The following NRG1 variants were observed in gnomAD, a reference collection of about 807,000 sequenced individuals.
The protein encoded by NRG1 is neuregulin 1.
NRG1 carries 18 observed loss-of-function variants against 63.8 expected under a neutral mutation model. The ratio of observed to expected loss-of-function variants is 0.28; its 90% CI spans 0.19 to 0.42. The LOEUF (loss-of-function observed/expected upper bound fraction) is 0.42, where lower values mean the gene tolerates loss of function less well. Ranked by LOEUF, NRG1 falls within the 10% of genes least tolerant of loss-of-function variation. The pLI is 1.00. For missense variants in NRG1, 762 were observed against 814.7 expected (o/e 0.94, Z 0.79); for synonymous variants, 302 against 301.3 (o/e 1.00, Z -0.02).
chr8:32,115,675 C>T (rs1009512109), intron 1 of NRG1, among the ~76,000 whole-genome samples: 2 of 152,026 alleles, frequency 1.3e-5, no homozygotes, highest in Non-Finnish European at 2.9e-5. Flanking sequence ...TTTATGTTGT[C>T]CGGGATGCTA....
chr8:32,471,953 G>A (rs1308650385), intron 1 of NRG1, among the ~76,000 whole-genome samples: 1 of 152,180 alleles, frequency 6.6e-6, no homozygotes, highest in African/African-American at 2.4e-5. Context: ...AGAGAAGTGT[G>A]GACCATCTGC....
chr8:32,733,688 T>C (rs1824315433), intron 6 of NRG1, among the ~76,000 whole-genome samples: 2 of 152,070 alleles, frequency 1.3e-5, no homozygotes, highest in Admixed American at 6.6e-5. Flanking sequence ...ATATAAGGAA[T>C]GGTGTCTGAT....
At chr8:32,342,994 G>C (rs1804267859) in intron 1 of NRG1, among the ~76,000 whole-genome samples, 1 of 152,190 alleles carries the variant, frequency 6.6e-6, no homozygotes. Context: ...TCTTCCAGAA[G>C]TGTTTTCAGA....
intron 5 of NRG1, among the ~76,000 whole-genome samples, chr8:32,692,207 G>A (rs1224199386): frequency 6.6e-6 from 1 of 152,168 alleles, no homozygotes; most frequent in African/African-American, 2.4e-5. Flanking sequence ...TTCACCATGA[G>A]AATTTAGCAC....
chr8:31,655,818 A>G (rs1187348034), intron 1 of NRG1, among the ~76,000 whole-genome samples: 1 of 152,124 alleles, frequency 6.6e-6, no homozygotes, highest in East Asian at 1.9e-4. Flanking sequence ...AAGATTTGAG[A>G]TGATTTTTGG....
chr8:31,810,957 T>C lies in NRG1; in HGVS notation c.37+171526T>C, dbSNP rs994115227. 7.9e-5 allele frequency among the ~76,000 whole-genome samples: 12 copies of C among 152,244 alleles called. 1 individual carries two copies. Among genetic ancestry groups the C allele is most frequent in the Non-Finnish European group, 1.3e-4 (9 of 68,044 alleles). On this transcript the variant is annotated intron_variant, in intron 1 of 10. Transcript: ENST00000519301. ...GGAGTCAGATAATTCTTTTCTTTAT[T>C]TCTCCTCTGTTTTCTTTGTAGAGAT...
rs36040084 is a variant in NRG1, at chr8:31,742,455, A to ATTTT, written c.37+103047_37+103050dup. Among the ~76,000 whole-genome samples, 150 of 80,018 alleles carry ATTTT rather than the reference A, an allele frequency of 1.9e-3. 8 individuals carry two copies. The highest frequency in any genetic ancestry group is 3.2e-3 in the Admixed American group (17 of 5,312). The allele number at this position is 80,018 out of a possible 152,430, so 52.5% of individuals were successfully genotyped here. A position where few individuals can be genotyped will look rare whatever the true frequency, so the allele number is the denominator to read the frequency against. Reference sequence around the variant, plus strand: ...GCAACGACAGACAACTTTTTTAAGAATTTTTTTTTTTTTTTTTTTTTTTTT... The same window carrying ATTTT: ...GCAACGACAGACAACTTTTTTAAGAATTTTTTTTTTTTTTTTTTTTTTTTTTTTT... On this transcript the variant is annotated intron_variant, in intron 1 of 10. Coordinates refer to the NRG1 transcript ENST00000519301.
chr8:31,961,491 A>G (rs1805444361), intron 1 of NRG1, among the ~76,000 whole-genome samples: 1 of 152,178 alleles, frequency 6.6e-6, no homozygotes, highest in African/African-American at 2.4e-5. Flanking sequence ...ATTCTACCTG[A>G]AATACTTGTT....
intron 1 of NRG1, among the ~76,000 whole-genome samples, chr8:32,389,515 G>C (rs1811441238): frequency 6.6e-6 from 1 of 152,166 alleles, no homozygotes. Context: ...TCCGCTGAAA[G>C]ATGAGTCATC....
At chr8:32,240,377 A>C (rs1486420546) in intron 1 of NRG1, among the ~76,000 whole-genome samples, 2 of 152,152 alleles carry the variant, frequency 1.3e-5, no homozygotes, top group East Asian at 3.8e-4. Context: ...TGGAGAACAG[A>C]TTAGTAGTTT....
At chr8:31,931,410 CCTA>C (rs1317261974) in intron 1 of NRG1, among the ~76,000 whole-genome samples, 1 of 152,158 alleles carries the variant, frequency 6.6e-6, no homozygotes, top group Non-Finnish European at 1.5e-5. Context: ...AGCCCCATCA[CCTA>C]CTAACTGTGT....
intron 1 of NRG1, among the ~76,000 whole-genome samples, chr8:32,207,475 C>G (rs1435705654): frequency 3.3e-5 from 5 of 152,114 alleles, no homozygotes; most frequent in Non-Finnish European, 7.3e-5. Context: ...TAAAGGATGA[C>G]TTCCATTTTA....
At chr8:31,918,654 TA>T (rs200867828) in intron 1 of NRG1, among the ~76,000 whole-genome samples, 1,811 of 152,302 alleles carry the variant, frequency 0.012, 41 homozygotes, top group African/African-American at 0.042. Context: ...GATATTGGTC[TA>T]AAATTCTCTT....
intron 1 of NRG1, among the ~76,000 whole-genome samples, chr8:32,053,899 T>A (rs924768319): frequency 6.6e-5 from 10 of 152,224 alleles, no homozygotes; most frequent in African/African-American, 1.7e-4. Context: ...ATTCAGCAGT[T>A]CTTTCTCATT....
chr8:31,657,441 C>T (rs1483889456), intron 1 of NRG1, among the ~76,000 whole-genome samples: 2 of 152,136 alleles, frequency 1.3e-5, no homozygotes, highest in African/African-American at 4.8e-5. Context: ...CTTGGACAGA[C>T]CAATGGTTTG....
chr8:32,660,810 C>T lies in NRG1; in HGVS notation c.502+43925C>T, dbSNP rs535976616. 1.8e-4 allele frequency among the ~76,000 whole-genome samples: 28 copies of T among 152,278 alleles called. No individual in the cohort carries two copies. In the South Asian group the frequency reaches 5.8e-3, roughly 32 times the overall value. On this transcript the variant is annotated intron_variant, in intron 5 of 11. Transcript: ENST00000356819. ...ATAAAGTGTTTGGAATAGTCTCTGG[C>T]TCATAGCGCTATATAAGCATGAGCT...
chr8:31,970,739 G>A (rs1807141027), intron 1 of NRG1, among the ~76,000 whole-genome samples: 1 of 152,040 alleles, frequency 6.6e-6, no homozygotes, highest in Non-Finnish European at 1.5e-5. Flanking sequence ...TGTACCCACA[G>A]TTTACATGTC....
chr8:31,793,469 C>T (rs1380454564), intron 1 of NRG1, among the ~76,000 whole-genome samples: 2 of 152,140 alleles, frequency 1.3e-5, no homozygotes, highest in African/African-American at 2.4e-5. Flanking sequence ...TATTTTAAAG[C>T]AGTTGGATGA....
intron 1 of NRG1, among the ~76,000 whole-genome samples, chr8:32,494,793 C>T (rs891814318): frequency 3.3e-5 from 5 of 152,102 alleles, no homozygotes; most frequent in African/African-American, 1.2e-4. Context: ...CCTTCAGTTC[C>T]CTTTTGTGTC....
Sources: allele counts gnomAD v4.1 joint callset (sites outside exome capture counted in the v4.1 genomes callset), GRCh38; gene constraint gnomAD v4.1.1; transcripts MANE v1.5; gene names NCBI Gene and HGNC (gene_info 2026-07-23, HGNC 2026-07-21).